SGO2: variants seen among roughly 807,000 people sequenced by gnomAD.
The protein encoded by SGO2 is shugoshin 2, also known as shugoshin-like 2.
SGO2 carries 68 observed loss-of-function variants against 99.5 expected under a neutral mutation model. That is an observed-to-expected ratio of 0.68 (90% CI 0.56 to 0.84). The LOEUF (loss-of-function observed/expected upper bound fraction) is 0.84. SGO2 is among the 40% of genes least tolerant of loss of function. SGO2 has a pLI of 0.00. For missense variants in SGO2, 1,350 were observed against 1,436.7 expected, an observed-to-expected ratio of 0.94 and a Z score of 0.97; for synonymous variants, 457 against 487.1, an observed-to-expected ratio of 0.94 and a Z score of 0.81.
intron 5 of SGO2, among the ~76,000 whole-genome samples, chr2:200,550,363 A>G (rs1055395370): frequency 2.0e-5 from 3 of 152,194 alleles, no homozygotes; most frequent in Non-Finnish European, 4.4e-5. Flanking sequence ...AAAAATTTAT[A>G]TGAACCCGCA....
intron 5 of SGO2, among the ~76,000 whole-genome samples, chr2:200,554,730 C>T (rs1468875625): frequency 1.3e-5 from 2 of 152,142 alleles, no homozygotes; most frequent in African/African-American, 4.8e-5. Flanking sequence ...CAAACACTCA[C>T]ATTTGACAGT....
At chr2:200,581,488 A>ACTAAAGACTTAAAGTCTTTAAGAT (rs1160655786) in intron 8 of SGO2, among the ~76,000 whole-genome samples, 1 of 152,150 alleles carries the variant, frequency 6.6e-6, no homozygotes, top group Admixed American at 6.5e-5. Flanking sequence ...AGTGCTCTGG[A>ACTAAAGACTTAAAGTCTTTAAGAT]CTAAAGACTT....
Position 200,573,852 on chromosome 2 carries a change from A to G in SGO2, c.3506A>G (p.Asn1169Ser), listed in dbSNP as rs377667962. ...LVPLSVSSGK[N>S]VIIKENFALE... ...CCTTTGAGCGTTTCTTCTGGTAAAA[A>G]TGTGATAATAAAAGAAAATTTTGCC... The change falls in exon 7 of 9, where the codon AAT (asparagine) becomes AGT (serine). Residue 1169 changes from asparagine (N) to serine (S), a missense_variant. Coordinates refer to ENST00000357799, the MANE Select transcript of SGO2 (RefSeq NM_152524.6). 1.2e-6 allele frequency: 2 copies of G among 1,613,194 alleles called. No individual in the cohort carries two copies. The highest frequency in any genetic ancestry group is 1.7e-6 in the Non-Finnish European group (2 of 1,179,498).
rs1487108962 is a variant in SGO2, at chr2:200,583,380, TCTC to T, written c.3783-67_3783-65del. The T allele has an allele frequency of 3.7e-6, 5 of 1,368,080 alleles. No individual in the cohort carries two copies. In the African/African-American group the frequency reaches 5.9e-5, roughly 16 times the overall value. 84.7% of individuals were successfully genotyped at this position (1,368,080 alleles called of 1,614,324 possible). A position where few individuals can be genotyped will look rare whatever the true frequency, so the allele number is the denominator to read the frequency against. On this transcript the variant is annotated intron_variant, in intron 8 of 8. Coordinates refer to ENST00000357799, the MANE Select transcript of SGO2 (RefSeq NM_152524.6). ...TACTGATATGATGAAACAATTTTCTTCTCCATGCTTCACAGCAAAAGCATTAAT... is the reference window on the plus strand; with the variant it reads ...TACTGATATGATGAAACAATTTTCTTCATGCTTCACAGCAAAAGCATTAAT...
At position 200,572,620 on chromosome 2, in the gene SGO2, A is replaced by G; in HGVS notation, c.2274A>G (p.Leu758=). ...ATAAGGAAATCATCCCTGGAAACCT[A>G]GAAGACCCAAGTGAGTTTGAAACAC... ...QKDKEIIPGN[L]EDPSEFETPA... is the part of the protein sequence containing the mutation. The change falls in exon 7 of 9, where the codon CTA becomes CTG. Residue 758 remains leucine (L), a synonymous_variant. Transcript: ENST00000357799. 6 of 1,613,224 alleles carry G rather than the reference A, an allele frequency of 3.7e-6. No homozygotes were observed. The highest frequency in any genetic ancestry group is 5.1e-6 in the Non-Finnish European group (6 of 1,179,432).
At chr2:200,530,174 A>T (rs572621451) in intron 1 of SGO2, among the ~76,000 whole-genome samples, 1 of 152,308 alleles carries the variant, frequency 6.6e-6, no homozygotes, top group Non-Finnish European at 1.5e-5. Flanking sequence ...AGTTCACTGT[A>T]GGGACAGCAG....
At position 200,572,268 on chromosome 2, in the gene SGO2, T is replaced by TA. The variant is rs1260834379; in HGVS notation, c.1929dup (p.Gly644ArgfsTer2). 2.5e-6 allele frequency: 4 copies of TA among 1,610,042 alleles called. No homozygotes were observed. The highest frequency in any genetic ancestry group is 2.5e-6 in the Non-Finnish European group (3 of 1,178,916). On this transcript the variant is annotated frameshift_variant, in exon 7 of 9. Transcript: ENST00000357799. LOFTEE classifies it high-confidence loss of function. ...AATGATAAAGATGTGGTGCATGGCC[T>TA]AAAAAAAGGTAATTTTTTTTTCAAA...
intron 4 of SGO2, 33 bp from the exon 5 acceptor site, chr2:200,542,546 A>C (rs754277927): frequency 6.5e-7 from 1 of 1,543,158 alleles, no homozygotes; most frequent in Middle Eastern, 1.7e-4. Context: ...ATAAGGTTAG[A>C]AACTTTGTTT....
chr2:200,565,494 AT>A (rs2033151670), intron 5 of SGO2, among the ~76,000 whole-genome samples: 1 of 151,896 alleles, frequency 6.6e-6, no homozygotes. Flanking sequence ...TGCCCTTAAC[AT>A]TTTTTCCTTC....
chr2:200,565,378 T>G (rs562827622), intron 5 of SGO2, among the ~76,000 whole-genome samples: 23 of 152,354 alleles, frequency 1.5e-4, no homozygotes, highest in Admixed American at 1.2e-3. Context: ...TTAAGAATGT[T>G]GAATATTGGC....
chr2:200,583,139 G>T (rs1308079078), intron 8 of SGO2, among the ~76,000 whole-genome samples: 1 of 151,986 alleles, frequency 6.6e-6, no homozygotes, highest in African/African-American at 2.4e-5. Flanking sequence ...TTTTTAAATG[G>T]TATATTTTCA....
chr2:200,542,457 T>C lies in SGO2; in HGVS notation c.388-122T>C. On this transcript the variant is annotated intron_variant, in intron 4 of 8. Transcript: ENST00000357799. ...TTATCACATTATTCTCATTAAATTATTAAAGGTAAATGCAAAAATTGTTCT... is the reference window on the plus strand; with the variant it reads ...TTATCACATTATTCTCATTAAATTACTAAAGGTAAATGCAAAAATTGTTCT... The C allele has an allele frequency of 1.5e-5, 9 of 616,746 alleles. No homozygotes were observed. The South Asian group carries it at 1.8e-4, about 12-fold the overall frequency. 38.2% of individuals were successfully genotyped at this position (616,746 alleles called of 1,614,324 possible).
chr2:200,539,018 C>T (rs1406004013), intron 4 of SGO2, among the ~76,000 whole-genome samples: 1 of 151,856 alleles, frequency 6.6e-6, no homozygotes, highest in South Asian at 2.1e-4. Flanking sequence ...ATATACTAAG[C>T]CCATAAAAAG....
At chr2:200,545,317 G>A (rs916643951) in intron 5 of SGO2, among the ~76,000 whole-genome samples, 2 of 152,226 alleles carry the variant, frequency 1.3e-5, no homozygotes, top group African/African-American at 4.8e-5. Flanking sequence ...TATTCTTCGT[G>A]TATCTTCTAC....
In SGO2 at chr2:200,573,815, G is replaced by A. The variant is rs2033552151; in HGVS notation, c.3469G>A (p.Glu1157Lys). 5 of 1,612,808 alleles carry A rather than the reference G, an allele frequency of 3.1e-6. No homozygotes were observed. Among genetic ancestry groups the A allele is most frequent in the Non-Finnish European group, 4.2e-6 (5 of 1,179,328 alleles). ...AGATTCTTCCTTTGACAGTGTTCGT[G>A]AAGGTTTAGTACCTTTGAGCGTTTC... The part of the protein sequence containing the change: ...IQDSSFDSVR[E>K]GLVPLSVSSG... The change falls in exon 7 of 9, where the codon GAA (glutamate) becomes AAA (lysine). Residue 1157 changes from glutamate (E) to lysine (K), a missense_variant. By Grantham distance (56) the Glu-to-Lys change is moderately conservative (BLOSUM62 1). Transcript: ENST00000357799.
intron 4 of SGO2, among the ~76,000 whole-genome samples, chr2:200,538,632 G>A (rs199533777): frequency 6.6e-6 from 1 of 152,168 alleles, no homozygotes; most frequent in East Asian, 1.9e-4. Context: ...ATATTAGGTA[G>A]TGTTTCCCCA....
chr2:200,530,354 G>A (rs748130575), intron 1 of SGO2, among the ~76,000 whole-genome samples: 1 of 152,198 alleles, frequency 6.6e-6, no homozygotes, highest in Non-Finnish European at 1.5e-5. Context: ...CTGGAAGGAT[G>A]AAATTACCAT....
intron 1 of SGO2, chr2:200,532,382 C>T: frequency 2.0e-6 from 2 of 978,230 alleles, no homozygotes; most frequent in Non-Finnish European, 2.4e-6. Context: ...TCAACATCAA[C>T]TGCTGCTTCT....
At chr2:200,560,645 A>G (rs1343529404) in intron 5 of SGO2, among the ~76,000 whole-genome samples, 2 of 152,004 alleles carry the variant, frequency 1.3e-5, no homozygotes, top group Non-Finnish European at 1.5e-5. Flanking sequence ...TATTCTTTCT[A>G]TATATTGCTG....
Sources: allele counts gnomAD v4.1 joint callset (sites outside exome capture counted in the v4.1 genomes callset), GRCh38; gene constraint gnomAD v4.1.1; transcripts MANE v1.5; gene names NCBI Gene and HGNC (gene_info 2026-07-23, HGNC 2026-07-21).